Variants in GRIK2 observed in about 807,000 individuals in gnomAD.
The protein encoded by GRIK2 is glutamate ionotropic receptor kainate type subunit 2.
GRIK2 carries 32 observed loss-of-function variants against 100.3 expected under a neutral mutation model. The observed-to-expected ratio is 0.32, with a 90% CI of 0.24 to 0.43. The LOEUF (loss-of-function observed/expected upper bound fraction) is 0.43, where lower values mean the gene tolerates loss of function less well. Among genes scored for constraint, GRIK2 ranks in the 20% least tolerant of loss-of-function variants. The pLI, the probability that GRIK2 is intolerant of heterozygous loss-of-function variation, is 1.00. For synonymous variants in GRIK2, 417 were observed against 389.4 expected (o/e 1.07, Z -0.83); for missense variants, 843 against 1,114.9 (o/e 0.76, Z 3.47).
chr6:101,976,423 G>A (rs866769186), intron 14 of GRIK2, among the ~76,000 whole-genome samples: 1 of 151,962 alleles, frequency 6.6e-6, no homozygotes, highest in Non-Finnish European at 1.5e-5. Context: ...GCATCTGGGT[G>A]TGGTGGCTCA....
intron 4 of GRIK2, among the ~76,000 whole-genome samples, chr6:101,629,790 C>A (rs1780635849): frequency 6.6e-6 from 1 of 152,026 alleles, no homozygotes; most frequent in Non-Finnish European, 1.5e-5. Flanking sequence ...TGATGCTGAG[C>A]ATTGGGTACA....
intron 10 of GRIK2, among the ~76,000 whole-genome samples, chr6:101,842,122 T>C (rs1309318143): frequency 6.6e-6 from 1 of 152,206 alleles, no homozygotes; most frequent in African/African-American, 2.4e-5. Flanking sequence ...TGATCGTTTT[T>C]AACGACCACA....
chr6:101,721,045 A>C (rs1774445118), intron 7 of GRIK2, among the ~76,000 whole-genome samples: 1 of 152,054 alleles, frequency 6.6e-6, no homozygotes, highest in South Asian at 2.1e-4. Flanking sequence ...AACCATTCAG[A>C]TAGGTGGTTC....
intron 14 of GRIK2, among the ~76,000 whole-genome samples, chr6:101,931,865 A>G (rs1429829204): frequency 6.6e-6 from 1 of 152,110 alleles, no homozygotes; most frequent in Non-Finnish European, 1.5e-5. Flanking sequence ...AATTTTATTA[A>G]GAAACATTAA....
intron 10 of GRIK2, among the ~76,000 whole-genome samples, chr6:101,833,271 G>A (rs943237731): frequency 2.0e-5 from 3 of 151,932 alleles, no homozygotes; most frequent in Non-Finnish European, 4.4e-5. Context: ...TTGCTCTGTC[G>A]CCCAGGCTGG....
intron 12 of GRIK2, among the ~76,000 whole-genome samples, chr6:101,907,243 G>A (rs1341368851): frequency 6.7e-6 from 1 of 149,914 alleles, no homozygotes; most frequent in Non-Finnish European, 1.5e-5. Flanking sequence ...ACCAAATTAG[G>A]TTAGTGGAAT....
At position 102,002,391 on chromosome 6, in the gene GRIK2, A is replaced by ATAT. The variant is rs1036402848; in HGVS notation, c.2086-32949_2086-32947dup. ...GTATATATTTATGTTATATATATGT[A>ATAT]TATATGTATATTATACATATTAGCA... On this transcript the variant is annotated intron_variant, in intron 14 of 16. Coordinates refer to ENST00000369134, the MANE Select transcript of GRIK2 (RefSeq NM_021956.5). Among the ~76,000 whole-genome samples, 47 of 138,564 alleles carry ATAT rather than the reference A, an allele frequency of 3.4e-4. 1 individual carries two copies. The highest frequency in any genetic ancestry group is 1.1e-3 in the African/African-American group (44 of 40,056). 90.9% of individuals were successfully genotyped at this position (138,564 alleles called of 152,430 possible).
chr6:101,575,949 T>C (rs1212892303), intron 2 of GRIK2, among the ~76,000 whole-genome samples: 1 of 152,038 alleles, frequency 6.6e-6, no homozygotes, highest in African/African-American at 2.4e-5. Flanking sequence ...TTAGAGATTT[T>C]TCTGGAAAGC....
At chr6:101,887,361 C>T (rs1031587621) in intron 11 of GRIK2, among the ~76,000 whole-genome samples, 3 of 152,012 alleles carry the variant, frequency 2.0e-5, no homozygotes, top group African/African-American at 7.3e-5. Flanking sequence ...AGCATATTCG[C>T]TTATATGGTT....
At chr6:101,761,632 T>C (rs1264598670) in intron 7 of GRIK2, among the ~76,000 whole-genome samples, 1 of 152,146 alleles carries the variant, frequency 6.6e-6, no homozygotes, top group Non-Finnish European at 1.5e-5. Flanking sequence ...TTCACTAAAA[T>C]AGGACCTTAA....
Position 101,536,547 on chromosome 6 carries a change from G to A in GRIK2, c.116-85402G>A, listed in dbSNP as rs1266405201. On this transcript the variant is annotated intron_variant, in intron 2 of 16. Transcript: ENST00000369134. ...TAATTATCTTATTGCTATTAGGTTT[G>A]TTCTGCTTTATTTTACGTTTTAAGA... Among the ~76,000 whole-genome samples, 4 of 151,554 alleles carry A rather than the reference G, an allele frequency of 2.6e-5. 1 individual carries two copies. The South Asian group carries it at 6.2e-4, about 24-fold the overall frequency.
At chr6:101,595,531 T>C (rs949544612) in intron 2 of GRIK2, among the ~76,000 whole-genome samples, 2 of 151,590 alleles carry the variant, frequency 1.3e-5, no homozygotes, top group African/African-American at 4.8e-5. Context: ...ACAAGCCATA[T>C]TAGCATGGTC....
chr6:101,415,024 T>C lies in GRIK2; in HGVS notation c.115+15632T>C, dbSNP rs1776065662. ...GTGTGTGGGGTGTGTGTGTGTGTTG[T>C]TATAAAGTAATGCATTGTAGCTTAT... On this transcript the variant is annotated intron_variant, in intron 2 of 16. Coordinates refer to ENST00000369134, the MANE Select transcript of GRIK2 (RefSeq NM_021956.5). Among the ~76,000 whole-genome samples, 4 of 151,924 alleles carry C rather than the reference T, an allele frequency of 2.6e-5. No individual in the cohort carries two copies. In the South Asian group the frequency reaches 8.3e-4, roughly 32 times the overall value.
intron 11 of GRIK2, among the ~76,000 whole-genome samples, chr6:101,877,288 C>T (rs1486630100): frequency 6.6e-6 from 1 of 151,860 alleles, no homozygotes; most frequent in Admixed American, 6.6e-5. Context: ...AACTAGGGAT[C>T]GAAAATACCA....
intron 2 of GRIK2, among the ~76,000 whole-genome samples, chr6:101,525,461 G>A (rs969107722): frequency 3.9e-5 from 6 of 152,062 alleles, no homozygotes; most frequent in African/African-American, 1.2e-4. Flanking sequence ...TAACCTTTTG[G>A]AAAATTGAGT....
At chr6:101,636,006 T>G (rs1259583022) in intron 4 of GRIK2, among the ~76,000 whole-genome samples, 1 of 152,140 alleles carries the variant, frequency 6.6e-6, no homozygotes, top group Non-Finnish European at 1.5e-5. Context: ...ACTGGGTATA[T>G]ACCCAAAGGA....
intron 12 of GRIK2, among the ~76,000 whole-genome samples, chr6:101,894,077 T>G (rs142740441): frequency 1.3e-4 from 19 of 151,710 alleles, no homozygotes; most frequent in African/African-American, 4.3e-4. Context: ...TTATTGAATA[T>G]CTGCTCTACT....
intron 10 of GRIK2, among the ~76,000 whole-genome samples, chr6:101,841,674 T>C (rs1783514001): frequency 6.6e-6 from 1 of 152,078 alleles, no homozygotes; most frequent in African/African-American, 2.4e-5. Flanking sequence ...TGCAGAAAGA[T>C]TTTTTGAAAC....
chr6:101,537,904 A>G (rs941809641), intron 2 of GRIK2, among the ~76,000 whole-genome samples: 2 of 151,756 alleles, frequency 1.3e-5, no homozygotes, highest in Non-Finnish European at 2.9e-5. Context: ...TTTTCCTAAA[A>G]CCATCTGCAT....
Sources: allele counts gnomAD v4.1 joint callset (sites outside exome capture counted in the v4.1 genomes callset), GRCh38; gene constraint gnomAD v4.1.1; transcripts MANE v1.5; gene names NCBI Gene and HGNC (gene_info 2026-07-23, HGNC 2026-07-21).